LPP: variants seen among roughly 807,000 people sequenced by gnomAD.
The protein encoded by LPP is lipoma-preferred partner.
LPP carries 38 observed loss-of-function variants against 60.4 expected under a neutral mutation model. The ratio of observed to expected loss-of-function variants is 0.63; its 90% CI spans 0.49 to 0.83. The LOEUF (loss-of-function observed/expected upper bound fraction) is 0.83, where lower values mean the gene tolerates loss of function less well. LPP is among the 40% of genes least tolerant of loss of function. The pLI is 0.00. For missense variants in LPP, 902 were observed against 783.6 expected, an observed-to-expected ratio of 1.15 and a Z score of -1.80; for synonymous variants, 328 against 290.8, an observed-to-expected ratio of 1.13 and a Z score of -1.30.
intron 9 of LPP, among the ~76,000 whole-genome samples, chr3:188,827,219 C>G (rs16863636): frequency 0.03 from 4,527 of 152,224 alleles, 227 homozygotes; most frequent in African/African-American, 0.1. Flanking sequence ...CATTCCAGAT[C>G]ACATAGTGAG....
intron 9 of LPP, among the ~76,000 whole-genome samples, chr3:188,825,892 C>T (rs182684583): frequency 1.7e-4 from 26 of 152,186 alleles, no homozygotes; most frequent in African/African-American, 4.3e-4. Flanking sequence ...TGCTGACAGA[C>T]GTAGGACACG....
chr3:188,597,254 T>G (rs145584584), intron 6 of LPP, among the ~76,000 whole-genome samples: 1 of 152,188 alleles, frequency 6.6e-6, no homozygotes, highest in African/African-American at 2.4e-5. Context: ...ATGTTTCAGT[T>G]ATGCACAGAT....
At chr3:188,486,160 T>G (rs1006059240) in intron 5 of LPP, among the ~76,000 whole-genome samples, 1 of 152,178 alleles carries the variant, frequency 6.6e-6, no homozygotes, top group South Asian at 2.1e-4. Context: ...TATCCTATAA[T>G]AAGAAGTGTA....
At chr3:188,625,494 A>C (rs545623379) in intron 7 of LPP, among the ~76,000 whole-genome samples, 1 of 152,324 alleles carries the variant, frequency 6.6e-6, no homozygotes, top group East Asian at 1.9e-4. Flanking sequence ...AGATGATGAG[A>C]TAATGCATAT....
chr3:188,815,266 C>A (rs1457019630), intron 9 of LPP, among the ~76,000 whole-genome samples: 2 of 152,136 alleles, frequency 1.3e-5, no homozygotes, highest in Non-Finnish European at 2.9e-5. Context: ...TCCTAGGCCA[C>A]CTGGATAACT....
rs980097937 is a variant in LPP at position 188,877,556 on chromosome 3, G to A, written c.*3077G>A. On this transcript the variant is annotated 3_prime_UTR_variant, in exon 12 of 12. Transcript: ENST00000617246. The stretch of plus-strand genomic sequence containing the variant: ...GCCAAGAAAATTGCCTTTAAAACTC[G>A]AAAATAAGGCCAGGTGTGGTGACTC... The A allele has an allele frequency of 7.0e-5, 13 of 186,676 alleles. No individual in the cohort carries two copies. The highest frequency in any genetic ancestry group is 2.0e-4 in the South Asian group (1 of 5,096). 11.6% of individuals were successfully genotyped at this position (186,676 alleles called of 1,614,324 possible).
intron 9 of LPP, among the ~76,000 whole-genome samples, chr3:188,817,837 C>T (rs967812282): frequency 2.0e-5 from 3 of 152,162 alleles, no homozygotes; most frequent in Non-Finnish European, 2.9e-5. Flanking sequence ...CTGGGCTCAC[C>T]GCAAAGGAAT....
At chr3:188,539,908 T>C (rs890347) in intron 6 of LPP, among the ~76,000 whole-genome samples, 151,315 of 152,186 alleles carry the variant, frequency 0.99, 75,229 homozygotes, top group Middle Eastern at 1. Context: ...TTCTTGGAGT[T>C]TTCTGTTTCC....
At chr3:188,578,584 C>T (rs987547685) in intron 6 of LPP, among the ~76,000 whole-genome samples, 7 of 151,642 alleles carry the variant, frequency 4.6e-5, no homozygotes, top group African/African-American at 1.7e-4. Context: ...GAAATATTAT[C>T]TCTCACTTTA....
At chr3:188,378,537 G>A (rs1371852245) in intron 3 of LPP, among the ~76,000 whole-genome samples, 1 of 152,182 alleles carries the variant, frequency 6.6e-6, no homozygotes, top group Admixed American at 6.5e-5. Context: ...ATCTCCTGAT[G>A]TGCCATTTTT....
At chr3:188,816,167 T>C (rs1321263438) in intron 9 of LPP, among the ~76,000 whole-genome samples, 1 of 151,920 alleles carries the variant, frequency 6.6e-6, no homozygotes, top group African/African-American at 2.4e-5. Flanking sequence ...TTTTATTCTT[T>C]ATCTAAGCCT....
At chr3:188,219,300 C>A (rs891175086) in intron 1 of LPP, among the ~76,000 whole-genome samples, 2 of 152,122 alleles carry the variant, frequency 1.3e-5, no homozygotes, top group Admixed American at 1.3e-4. Flanking sequence ...TCCTTTTATT[C>A]TTTGACTCTA....
intron 7 of LPP, among the ~76,000 whole-genome samples, chr3:188,636,416 G>A (rs1226764179): frequency 3.9e-5 from 6 of 152,208 alleles, no homozygotes; most frequent in Admixed American, 2.0e-4. Flanking sequence ...ACCCCATGGA[G>A]TCTCGCTGAT....
intron 6 of LPP, among the ~76,000 whole-genome samples, chr3:188,527,158 T>A (rs1820819642): frequency 6.6e-6 from 1 of 152,028 alleles, no homozygotes; most frequent in African/African-American, 2.4e-5. Context: ...GGGACCAGCC[T>A]GGCCAACATG....
intron 9 of LPP, among the ~76,000 whole-genome samples, chr3:188,769,356 A>G (rs537529133): frequency 6.6e-6 from 1 of 152,294 alleles, no homozygotes; most frequent in African/African-American, 2.4e-5. Context: ...CCTTTCAACC[A>G]AATATCCCCC....
At chr3:188,603,628 A>G (rs1249555335) in intron 6 of LPP, among the ~76,000 whole-genome samples, 1 of 152,150 alleles carries the variant, frequency 6.6e-6, no homozygotes, top group African/African-American at 2.4e-5. Context: ...TTCTATATAA[A>G]TGTTTGCTAT....
intron 9 of LPP, among the ~76,000 whole-genome samples, chr3:188,773,910 G>A (rs1347856565): frequency 6.6e-6 from 1 of 152,140 alleles, no homozygotes; most frequent in Non-Finnish European, 1.5e-5. Context: ...GAAGAGACCT[G>A]TCCCAATGTG....
chr3:188,300,709 T>C (rs984550649), intron 2 of LPP, among the ~76,000 whole-genome samples: 19 of 152,228 alleles, frequency 1.2e-4, no homozygotes, highest in African/African-American at 3.9e-4. Flanking sequence ...CTCCTGAATG[T>C]CCTGCGTTAG....
Position 188,757,574 on chromosome 3 carries a change from G to A in LPP, c.1241-2539G>A, listed in dbSNP as rs144937011. On this transcript the variant is annotated intron_variant, in intron 8 of 11. Coordinates refer to ENST00000617246, the MANE Select transcript of LPP (RefSeq NM_001375462.1). ...GAACTACTTTTTTAGGGGACGGGGG[G>A]AAGTGTGGTCCACAGATCCCTGATA... Among the ~76,000 whole-genome samples the A allele has an allele frequency of 2.0e-3, 309 of 152,310 alleles. 1 individual carries two copies. The highest frequency in any genetic ancestry group is 7.2e-3 in the African/African-American group (298 of 41,578).
Sources: allele counts gnomAD v4.1 joint callset (sites outside exome capture counted in the v4.1 genomes callset), GRCh38; gene constraint gnomAD v4.1.1; transcripts MANE v1.5; gene names NCBI Gene and HGNC (gene_info 2026-07-23, HGNC 2026-07-21).